The following KIFAP3 variants were observed in gnomAD, a reference collection of about 807,000 sequenced individuals.
KIFAP3 encodes the protein kinesin-associated protein 3.
Under a neutral mutation model 106.5 loss-of-function variants are expected in KIFAP3, and 68 were observed. The observed-to-expected ratio is 0.64, with a 90% confidence interval of 0.53 to 0.78. KIFAP3 has a LOEUF of 0.78. Among genes scored for constraint, KIFAP3 ranks in the 30% least tolerant of loss-of-function variants. The pLI is 0.00. For synonymous variants in KIFAP3, 320 were observed against 311.5 expected (o/e 1.03, Z -0.29); for missense variants, 780 against 941.8 (o/e 0.83, Z 2.25).
Position 170,061,017 on chromosome 1 carries a change from T to C in KIFAP3, c.33-5581A>G, listed in dbSNP as rs1195196345. ...ACCTTATACAAAAATTAATTCAAGGTGGATTAAAGACTTAAATGTTAGACC... is the reference window on the plus strand; with the variant it reads ...ACCTTATACAAAAATTAATTCAAGGCGGATTAAAGACTTAAATGTTAGACC... On this transcript the variant is annotated intron_variant, in intron 1 of 19. Coordinates refer to ENST00000361580, the MANE Select transcript of KIFAP3 (RefSeq NM_014970.4). Among the ~76,000 whole-genome samples, 4 of 152,286 alleles carry C rather than the reference T, an allele frequency of 2.6e-5. No homozygotes were observed. The East Asian group carries it at 7.7e-4, about 29-fold the overall frequency.
At chr1:170,021,097 C>T (rs2102014019) in intron 9 of KIFAP3, among the ~76,000 whole-genome samples, 2 of 152,108 alleles carry the variant, frequency 1.3e-5, no homozygotes, top group African/African-American at 4.8e-5. Flanking sequence ...CAACTTGTAT[C>T]CAAATACAGG....
At chr1:170,074,714 G>C (rs1356018825), upstream of KIFAP3, 1 of 1,386,598 alleles carries the variant, frequency 7.2e-7, no homozygotes, top group Non-Finnish European at 9.4e-7. Flanking sequence ...CCGTCACGAC[G>C]CATGCGCTTG....
intron 8 of KIFAP3, among the ~76,000 whole-genome samples, chr1:170,024,901 A>T (rs1419028616): frequency 3.3e-5 from 5 of 152,138 alleles, no homozygotes; most frequent in Non-Finnish European, 7.4e-5. Context: ...AGAGTTTAAT[A>T]GAAATCAAAT....
At chr1:169,970,780 T>TC (rs1480235679) in intron 17 of KIFAP3, among the ~76,000 whole-genome samples, 1 of 152,022 alleles carries the variant, frequency 6.6e-6, no homozygotes, top group Admixed American at 6.6e-5. Context: ...CTTCACATTC[T>TC]CCCTTGATGG....
intron 11 of KIFAP3, among the ~76,000 whole-genome samples, chr1:169,988,954 G>T (rs1363996619): frequency 6.6e-6 from 1 of 151,578 alleles, no homozygotes. Flanking sequence ...ATTTCAAAAA[G>T]AAAAAAATGG....
chr1:170,028,224 T>C (rs538401140), intron 8 of KIFAP3, among the ~76,000 whole-genome samples: 25 of 152,182 alleles, frequency 1.6e-4, no homozygotes, highest in African/African-American at 6.0e-4. Flanking sequence ...ATAATATCAA[T>C]GGAAATGGTA....
chr1:170,075,755 C>G (rs1671889440), upstream of KIFAP3, among the ~76,000 whole-genome samples: 1 of 152,174 alleles, frequency 6.6e-6, no homozygotes, highest in Non-Finnish European at 1.5e-5. Context: ...TGACTCCTTC[C>G]TCTGTATCAT....
At chr1:169,928,895 C>A (rs560700843) in intron 19 of KIFAP3, among the ~76,000 whole-genome samples, 1 of 152,022 alleles carries the variant, frequency 6.6e-6, no homozygotes, top group East Asian at 1.9e-4. Context: ...GAGATGAAAT[C>A]AGATTGTAGA....
chr1:169,935,700 A>T (rs1663753853), intron 19 of KIFAP3, among the ~76,000 whole-genome samples: 1 of 152,046 alleles, frequency 6.6e-6, no homozygotes, highest in Non-Finnish European at 1.5e-5. Context: ...CTAAAATGAG[A>T]CCATAGAAAT....
intron 19 of KIFAP3, among the ~76,000 whole-genome samples, chr1:169,944,886 A>T (rs932435708): frequency 6.6e-6 from 1 of 152,108 alleles, no homozygotes; most frequent in African/African-American, 2.4e-5. Context: ...ACAGGGCCAG[A>T]AAAAGTACAA....
intron 10 of KIFAP3, among the ~76,000 whole-genome samples, chr1:170,003,285 T>C (rs935211700): frequency 6.6e-6 from 1 of 152,214 alleles, no homozygotes; most frequent in Non-Finnish European, 1.5e-5. Context: ...CTGTGGACCA[T>C]ACTTTGAGTA....
intron 19 of KIFAP3, among the ~76,000 whole-genome samples, chr1:169,944,770 C>G (rs1664338988): frequency 6.6e-6 from 1 of 152,138 alleles, no homozygotes; most frequent in Non-Finnish European, 1.5e-5. Flanking sequence ...TAGCTCCTTA[C>G]AGCAAGCAGG....
chr1:169,949,194 T>C (rs1664605025), intron 19 of KIFAP3, among the ~76,000 whole-genome samples: 1 of 151,870 alleles, frequency 6.6e-6, no homozygotes, highest in African/African-American at 2.4e-5. Context: ...TAATATATAA[T>C]ACATATAATG....
intron 19 of KIFAP3, among the ~76,000 whole-genome samples, chr1:169,952,072 A>T (rs1341085513): frequency 1.3e-5 from 2 of 152,000 alleles, no homozygotes; most frequent in Non-Finnish European, 2.9e-5. Flanking sequence ...GAAGCATCAG[A>T]AGTAATCAAA....
intron 3 of KIFAP3, among the ~76,000 whole-genome samples, chr1:170,045,460 C>A (rs574458425): frequency 6.6e-6 from 1 of 152,212 alleles, no homozygotes; most frequent in African/African-American, 2.4e-5. Context: ...CTTAAAAGAG[C>A]CTATATGGCC....
Position 169,947,805 on chromosome 1 carries a change from T to A in KIFAP3, c.2273+6206A>T, listed in dbSNP as rs1489707651. ...AAATTTTTATAAAAAACATTTTTAA[T>A]AAGGAAGAGGAAAATTAAAAGTTCA... On this transcript the variant is annotated intron_variant, in intron 19 of 19. Coordinates refer to ENST00000361580, the MANE Select transcript of KIFAP3 (RefSeq NM_014970.4). 3.3e-5 allele frequency among the ~76,000 whole-genome samples: 5 copies of A among 151,862 alleles called. No homozygotes were observed. In the East Asian group the frequency reaches 9.6e-4, roughly 29 times the overall value.
chr1:170,017,828 T>C (rs1668602806), intron 9 of KIFAP3, among the ~76,000 whole-genome samples: 2 of 152,230 alleles, frequency 1.3e-5, no homozygotes, highest in South Asian at 4.1e-4. Flanking sequence ...ATAAGGTAGA[T>C]GTATTTTCTG....
intron 3 of KIFAP3, among the ~76,000 whole-genome samples, chr1:170,045,906 AATC>A (rs1382558255): frequency 1.3e-5 from 2 of 152,164 alleles, no homozygotes; most frequent in African/African-American, 4.8e-5. Context: ...CTGACATTAG[AATC>A]ATAAGGATTT....
rs1055958247 is a variant in KIFAP3, at chr1:170,053,552, C to CAA, written c.164+1751_164+1752dup. On this transcript the variant is annotated intron_variant, in intron 2 of 19. Coordinates refer to ENST00000361580, the MANE Select transcript of KIFAP3 (RefSeq NM_014970.4). ...GTTCTAAGCAAAAAACAAAACAAAA[C>CAA]AAAAAAAAACCCAAAGCATCATGCT... is the stretch of plus-strand genomic sequence containing the variant. Among the ~76,000 whole-genome samples the CAA allele has an allele frequency of 2.7e-5, 4 of 149,686 alleles. No homozygotes were observed. The East Asian group carries it at 7.8e-4, about 29-fold the overall frequency.
Sources: gnomAD v4.1 joint callset for allele counts (sites outside exome capture counted in the v4.1 genomes callset) on GRCh38, gnomAD v4.1.1 for gene constraint, MANE v1.5 for transcripts, NCBI Gene and HGNC (gene_info 2026-07-23, HGNC 2026-07-21) for gene names.